Variants in PPFIBP1 observed in about 807,000 individuals in gnomAD.
PPFIBP1 encodes PPFIB scaffold protein 1, also known as liprin-beta-1.
PPFIBP1 carries 112 observed loss-of-function variants against 137.8 expected under a neutral mutation model. That is an observed-to-expected ratio of 0.81 (90% confidence interval 0.70 to 0.95). The LOEUF is 0.95. Ranked by LOEUF, PPFIBP1 falls within the 40% of genes least tolerant of loss-of-function variation. The pLI, the probability that PPFIBP1 is intolerant of heterozygous loss-of-function variation, is 0.00. For synonymous variants in PPFIBP1, 378 were observed against 417.3 expected (o/e 0.91, Z 1.15); for missense variants, 1,083 against 1,196.6 (o/e 0.91, Z 1.40).
chr12:27,550,483 G>A (rs1307893476), intron 1 of PPFIBP1, among the ~76,000 whole-genome samples: 4 of 152,178 alleles, frequency 2.6e-5, no homozygotes, highest in Non-Finnish European at 4.4e-5. Flanking sequence ...CTGTACACAA[G>A]ACACTGGACT....
At chr12:27,598,672 C>G (rs2053605853) in intron 2 of PPFIBP1, among the ~76,000 whole-genome samples, 1 of 152,048 alleles carries the variant, frequency 6.6e-6, no homozygotes. Context: ...GTTTTTCTTT[C>G]TGAAGCATCA....
intron 1 of PPFIBP1, among the ~76,000 whole-genome samples, chr12:27,526,471 G>C (rs369898729): frequency 1.6e-3 from 239 of 149,908 alleles, no homozygotes; most frequent in African/African-American, 5.4e-3. Flanking sequence ...GAGTTATTGA[G>C]AAAGGTAGGA....
At chr12:27,527,085 G>A (rs546883148) in intron 1 of PPFIBP1, among the ~76,000 whole-genome samples, 1 of 152,086 alleles carries the variant, frequency 6.6e-6, no homozygotes, top group South Asian at 2.1e-4. Context: ...CTGACTAGCT[G>A]ACTTCTTTTA....
intron 1 of PPFIBP1, among the ~76,000 whole-genome samples, chr12:27,538,759 C>T (rs1747054773): frequency 6.6e-6 from 1 of 152,214 alleles, no homozygotes; most frequent in Non-Finnish European, 1.5e-5. Context: ...ATACTCTAAG[C>T]TTGGCCTCCT....
intron 2 of PPFIBP1, among the ~76,000 whole-genome samples, chr12:27,619,860 A>G (rs1347501576): frequency 2.6e-5 from 4 of 151,996 alleles, no homozygotes; most frequent in African/African-American, 4.8e-5. Flanking sequence ...GCATCCTAAT[A>G]TGTATAGTAA....
chr12:27,630,710 G>A (rs1565901075), intron 2 of PPFIBP1, among the ~76,000 whole-genome samples: 1 of 152,126 alleles, frequency 6.6e-6, no homozygotes. Flanking sequence ...TGGGATTTTA[G>A]TGCTTCTGTC....
chr12:27,555,422 C>T (rs539002806), intron 1 of PPFIBP1, among the ~76,000 whole-genome samples: 64 of 152,278 alleles, frequency 4.2e-4, no homozygotes, highest in Non-Finnish European at 5.6e-4. Flanking sequence ...CTATAGATTC[C>T]TTATTCCTTT....
At position 27,658,858 on chromosome 12, in the gene PPFIBP1, G is replaced by A; in HGVS notation, c.844+10G>A. 1 of 1,611,432 alleles carries A rather than the reference G, an allele frequency of 6.2e-7. No homozygotes were observed. The highest frequency in any genetic ancestry group is 1.3e-5 in the African/African-American group (1 of 74,890). On this transcript the variant is annotated intron_variant, in intron 10 of 29. Transcript: ENST00000228425. ...AAGCTCAAAGAAAAAAGTAAGGTTT[G>A]GTGCATTTCCATCAGCCTTTACATT...
intron 2 of PPFIBP1, among the ~76,000 whole-genome samples, chr12:27,617,190 T>C (rs1338337389): frequency 6.6e-6 from 1 of 152,202 alleles, no homozygotes; most frequent in East Asian, 1.9e-4. Flanking sequence ...TTGAAAAGTA[T>C]GTTGTTCCGC....
At chr12:27,655,095 G>T in intron 8 of PPFIBP1, 1 of 1,363,188 alleles carries the variant, frequency 7.3e-7, no homozygotes, top group Non-Finnish European at 1.0e-6. Context: ...TATTTAGCTT[G>T]TCTTTTTCTA....
intron 2 of PPFIBP1, among the ~76,000 whole-genome samples, chr12:27,624,433 A>G (rs2056628759): frequency 6.6e-6 from 1 of 152,246 alleles, no homozygotes; most frequent in African/African-American, 2.4e-5. Context: ...CAGTTTTTCA[A>G]TAGCAGCAGC....
At chr12:27,609,761 A>T (rs1260298773) in intron 2 of PPFIBP1, among the ~76,000 whole-genome samples, 1 of 151,576 alleles carries the variant, frequency 6.6e-6, no homozygotes, top group Admixed American at 6.6e-5. Context: ...TGTTCTCTAC[A>T]CTCCAGTCCC....
intron 2 of PPFIBP1, among the ~76,000 whole-genome samples, chr12:27,621,888 T>C (rs990046877): frequency 6.6e-6 from 1 of 152,178 alleles, no homozygotes; most frequent in African/African-American, 2.4e-5. Flanking sequence ...ACACAAAATA[T>C]ATAGCTTTTA....
intron 11 of PPFIBP1, among the ~76,000 whole-genome samples, chr12:27,663,849 A>AG (rs1259790683): frequency 6.6e-6 from 1 of 152,102 alleles, no homozygotes; most frequent in Non-Finnish European, 1.5e-5. Flanking sequence ...CAAAAAAAAA[A>AG]AAAGAGAAAA....
intron 2 of PPFIBP1, among the ~76,000 whole-genome samples, chr12:27,578,454 C>T (rs1415113690): frequency 3.9e-5 from 6 of 152,130 alleles, no homozygotes; most frequent in South Asian, 2.1e-4. Context: ...GATTTAGACG[C>T]GGTGTGGCAG....
Position 27,633,830 on chromosome 12 carries a change from C to T in PPFIBP1, c.64+370C>T, listed in dbSNP as rs188709089. Among the ~76,000 whole-genome samples, 14 of 102,284 alleles carry T rather than the reference C, an allele frequency of 1.4e-4. No individual in the cohort carries two copies. The South Asian group carries it at 4.1e-3, about 30-fold the overall frequency. The allele number at this position is 102,284 out of a possible 152,430, so 67.1% of individuals were successfully genotyped here. A position where few individuals can be genotyped will look rare whatever the true frequency, so the allele number is the denominator to read the frequency against. ...AAATTCACTTTCCACCAATGACTCCCGTATCTTTTTTTTTTTTTTTTTTTT... is the reference window on the plus strand; with the variant it reads ...AAATTCACTTTCCACCAATGACTCCTGTATCTTTTTTTTTTTTTTTTTTTT... On this transcript the variant is annotated intron_variant, in intron 3 of 29. Transcript: ENST00000228425.
At chr12:27,667,390 C>T in intron 13 of PPFIBP1, 70 bp downstream of exon 13, 2 of 1,274,074 alleles carry the variant, frequency 1.6e-6, no homozygotes, top group Non-Finnish European at 2.1e-6. Context: ...AAACACTGCT[C>T]ATAACATGAA....
chr12:27,629,102 A>G (rs565982022), intron 2 of PPFIBP1, among the ~76,000 whole-genome samples: 1 of 152,354 alleles, frequency 6.6e-6, no homozygotes, highest in African/African-American at 2.4e-5. Context: ...GCATGGAATT[A>G]CAGAGGGCAC....
At chr12:27,563,277 T>TAAAAAAAAAAAAAAA (rs869044515) in intron 1 of PPFIBP1, among the ~76,000 whole-genome samples, 4 of 22,174 alleles carry the variant, frequency 1.8e-4, no homozygotes, top group African/African-American at 4.5e-4. Flanking sequence ...CCATCTCTAC[T>TAAAAAAAAAAAAAAA]AAAAAAAAAA....
Sources: gnomAD v4.1 joint callset for allele counts (sites outside exome capture counted in the v4.1 genomes callset) on GRCh38, gnomAD v4.1.1 for gene constraint, MANE v1.5 for transcripts, NCBI Gene and HGNC (gene_info 2026-07-23, HGNC 2026-07-21) for gene names.